The following CLTRN variants were observed in gnomAD, a reference collection of about 807,000 sequenced individuals.
CLTRN encodes the protein collectrin, amino acid transport regulator.
CLTRN carries 12 observed loss-of-function variants against 14.5 expected under a neutral mutation model. The ratio of observed to expected loss-of-function variants is 0.83; its 90% CI spans 0.53 to 1.34. The LOEUF is 1.34. Among genes scored for constraint, CLTRN ranks in the 40% most tolerant of loss-of-function variants. The pLI is 0.00. For synonymous variants in CLTRN, 58 were observed against 56.5 expected (o/e 1.03, Z -0.12); for missense variants, 154 against 165.1 (o/e 0.93, Z 0.37).
intron 1 of CLTRN, among the ~76,000 whole-genome samples, chrX:15,670,676 C>T (rs1159521226): frequency 1.8e-5 from 2 of 111,041 alleles, no homozygotes; most frequent in Non-Finnish European, 3.8e-5. Flanking sequence ...GCTCCAGAGA[C>T]ACTTGGCAAC....
At chrX:15,632,667 A>C (rs926801627) in intron 5 of CLTRN, among the ~76,000 whole-genome samples, 5 of 109,566 alleles carry the variant, frequency 4.6e-5, no homozygotes, top group Non-Finnish European at 9.5e-5. Flanking sequence ...TGAGGTGGGC[A>C]GATCACAAGG....
At chrX:15,673,112 C>G (rs996168776) in intron 1 of CLTRN, among the ~76,000 whole-genome samples, 8 of 112,412 alleles carry the variant, frequency 7.1e-5, no homozygotes, top group Non-Finnish European at 1.5e-4. Context: ...ACAGCGTCAT[C>G]ATGATGAGGA....
At chrX:15,660,521 A>C (rs182798747) in intron 2 of CLTRN, among the ~76,000 whole-genome samples, 2 of 110,267 alleles carry the variant, frequency 1.8e-5, no homozygotes, top group African/African-American at 6.6e-5. Context: ...TAAAGAACAG[A>C]AAAGGGGGAC....
At position 15,636,213 on chromosome X, in the gene CLTRN, T is replaced by C. The variant is rs1266136637; in HGVS notation, c.512+3349A>G. ...CACTCTGGGTATATACCCAAAAGAA[T>C]TGAAACCATTATGTCAAAGAGATTT... On this transcript the variant is annotated intron_variant, in intron 5 of 5. Transcript: ENST00000380342. Among the ~76,000 whole-genome samples the C allele has an allele frequency of 2.7e-5, 3 of 112,347 alleles. No homozygotes were observed. In the Admixed American group the frequency reaches 2.8e-4, roughly 11 times the overall value.
At chrX:15,640,046 T>G (rs1928905113) in intron 4 of CLTRN, among the ~76,000 whole-genome samples, 1 of 111,940 alleles carries the variant, frequency 8.9e-6, no homozygotes, top group Non-Finnish European at 1.9e-5. Context: ...TTTTATTTCC[T>G]GAGAGGTAGT....
chrX:15,628,938 T>A (rs1170107448), intron 5 of CLTRN, among the ~76,000 whole-genome samples: 1 of 111,806 alleles, frequency 8.9e-6, no homozygotes, highest in Non-Finnish European at 1.9e-5. Flanking sequence ...AACAGTAGAC[T>A]CAAATTCAAA....
chrX:15,670,353 A>ACACC (rs1266065281), intron 1 of CLTRN, among the ~76,000 whole-genome samples: 4 of 106,592 alleles, frequency 3.8e-5, no homozygotes, highest in Non-Finnish European at 7.7e-5. Flanking sequence ...ACACACACAA[A>ACACC]CCCCTTTGGA....
At chrX:15,651,358 A>G (rs1456047658) in intron 3 of CLTRN, among the ~76,000 whole-genome samples, 4 of 111,313 alleles carry the variant, frequency 3.6e-5, no homozygotes. Flanking sequence ...TTGAAAACCA[A>G]GACCAGAGTC....
At chrX:15,655,297 C>T (rs919709713) in intron 3 of CLTRN, among the ~76,000 whole-genome samples, 2 of 112,275 alleles carry the variant, frequency 1.8e-5, no homozygotes, top group African/African-American at 6.5e-5. Context: ...CTTGTGGTTC[C>T]CCCGCTTTGA....
chrX:15,649,944 G>A (rs1273500386), intron 3 of CLTRN, among the ~76,000 whole-genome samples: 1 of 106,948 alleles, frequency 9.4e-6, no homozygotes, highest in East Asian at 2.9e-4. Flanking sequence ...AGTCTACCGT[G>A]GTTATTTAAC....
chrX:15,667,275 A>C (rs1167716894), upstream of CLTRN, among the ~76,000 whole-genome samples: 2 of 111,013 alleles, frequency 1.8e-5, no homozygotes, highest in East Asian at 5.6e-4. Context: ...ATAAATAAGA[A>C]ATCTGCTTCA....
chrX:15,670,879 AGTGT>A (rs543420208), intron 1 of CLTRN, among the ~76,000 whole-genome samples: 4,340 of 84,881 alleles, frequency 0.051, 130 homozygotes, highest in Non-Finnish European at 0.073. Flanking sequence ...AAGGGAGACA[AGTGT>A]GTGTGTGTGT....
intron 3 of CLTRN, among the ~76,000 whole-genome samples, chrX:15,652,124 T>C (rs1431491227): frequency 8.9e-6 from 1 of 112,388 alleles, no homozygotes; most frequent in Non-Finnish European, 1.9e-5. Context: ...CTTCCAGTTA[T>C]AGATTATGTG....
At chrX:15,649,714 C>G (rs191605043) in intron 3 of CLTRN, among the ~76,000 whole-genome samples, 46 of 110,722 alleles carry the variant, frequency 4.2e-4, no homozygotes, top group African/African-American at 1.3e-3. Flanking sequence ...ATAGATATAA[C>G]CCCCATACAG....
chrX:15,650,728 A>AGACATT (rs1929195119), intron 3 of CLTRN, among the ~76,000 whole-genome samples: 2 of 112,115 alleles, frequency 1.8e-5, no homozygotes, highest in Non-Finnish European at 3.8e-5. Context: ...AGGTAACCTA[A>AGACATT]TGTTCAACAA....
At chrX:15,644,116 G>A (rs930323254) in intron 4 of CLTRN, among the ~76,000 whole-genome samples, 1 of 111,967 alleles carries the variant, frequency 8.9e-6, no homozygotes, top group Admixed American at 9.5e-5. Context: ...AGGAGGGGAG[G>A]AGTACAACTG....
At chrX:15,666,843 C>T (rs1369171343), upstream of CLTRN, among the ~76,000 whole-genome samples, 1 of 112,120 alleles carries the variant, frequency 8.9e-6, no homozygotes, top group Admixed American at 9.4e-5. Flanking sequence ...AAATGTTAAA[C>T]TAGATAAAGT....
At chrX:15,672,032 A>C (rs985640007) in intron 1 of CLTRN, among the ~76,000 whole-genome samples, 3 of 112,091 alleles carry the variant, frequency 2.7e-5, no homozygotes, top group African/African-American at 6.5e-5. Flanking sequence ...CAGTAGCCAT[A>C]ATCATTATGA....
chrX:15,660,801 T>C (rs1002629003), intron 2 of CLTRN, among the ~76,000 whole-genome samples: 42 of 74,402 alleles, frequency 5.6e-4, no homozygotes, highest in African/African-American at 2.5e-3. Context: ...AGTGAGACCC[T>C]GTCTCCAACA....
Sources: allele counts gnomAD v4.1 joint callset (sites outside exome capture counted in the v4.1 genomes callset), GRCh38; gene constraint gnomAD v4.1.1; transcripts MANE v1.5; gene names NCBI Gene and HGNC (gene_info 2026-07-23, HGNC 2026-07-21).